PTPRT: variants seen among roughly 807,000 people sequenced by gnomAD.
PTPRT encodes receptor-type tyrosine-protein phosphatase T.
In PTPRT, 56 loss-of-function variants were observed where a neutral mutation model predicts 176.8. The ratio of observed to expected loss-of-function variants is 0.32; its 90% confidence interval spans 0.26 to 0.40. The LOEUF (loss-of-function observed/expected upper bound fraction) is 0.40. PTPRT is among the 10% of genes least tolerant of loss of function. The probability of loss-of-function intolerance (pLI) is 1.00; values close to 1 mark genes in which losing one functional copy is unlikely to be tolerated. For synonymous variants in PTPRT, 783 were observed against 739.0 expected (o/e 1.06, Z -0.96); for missense variants, 1,540 against 1,908.2 (o/e 0.81, Z 3.60).
At chr20:42,637,489 G>A (rs2074631168) in intron 7 of PTPRT, among the ~76,000 whole-genome samples, 1 of 152,118 alleles carries the variant, frequency 6.6e-6, no homozygotes, top group Admixed American at 6.6e-5. Flanking sequence ...AACCCAGAAT[G>A]GGGTTCCTGC....
In PTPRT at chr20:42,141,972, C is replaced by T. The variant is rs724159847; in HGVS notation, c.2713G>A (p.Asp905Asn). The T allele has an allele frequency of 6.2e-7, 1 of 1,614,120 alleles. No homozygotes were observed. Among genetic ancestry groups the T allele is most frequent in the Non-Finnish European group, 8.5e-7 (1 of 1,179,990 alleles). The change falls in exon 18 of 31, where the codon GAC (aspartate) becomes AAC (asparagine). Residue 905 changes from aspartate (D) to asparagine (N), a missense_variant. Transcript: ENST00000373187. ...ALPEGQTASW[D>N]TAKEDENRNK... Reference sequence around the variant, plus strand: ...CGGTTTTCATCCTCCTTGGCTGTGTCCCACGAAGCTGTCTGCCCCTCTGGT... The same window carrying T: ...CGGTTTTCATCCTCCTTGGCTGTGTTCCACGAAGCTGTCTGCCCCTCTGGT...
intron 2 of PTPRT, among the ~76,000 whole-genome samples, chr20:42,815,806 A>T (rs2077773768): frequency 6.6e-6 from 1 of 152,190 alleles, no homozygotes; most frequent in Admixed American, 6.5e-5. Flanking sequence ...CCATAACTTC[A>T]AATTTTTAAG....
chr20:43,129,613 C>CTTTTTTTTTT (rs869293740), intron 1 of PTPRT, among the ~76,000 whole-genome samples: 1 of 87,294 alleles, frequency 1.1e-5, no homozygotes, highest in East Asian at 4.3e-4. Flanking sequence ...CCAAAGAGTT[C>CTTTTTTTTTT]TTTTTTTTTT....
chr20:42,630,424 C>G (rs2074381550), intron 7 of PTPRT, among the ~76,000 whole-genome samples: 1 of 152,170 alleles, frequency 6.6e-6, no homozygotes, highest in East Asian at 1.9e-4. Flanking sequence ...AATACAACAG[C>G]CCTGACTTGG....
rs547492737 is a variant in PTPRT, at chr20:42,591,223, T to A, written c.1153+86643A>T. 2.0e-5 allele frequency among the ~76,000 whole-genome samples: 3 copies of A among 152,086 alleles called. No individual in the cohort carries two copies. The East Asian group carries it at 5.8e-4, about 29-fold the overall frequency. On this transcript the variant is annotated intron_variant, in intron 7 of 30. Transcript: ENST00000373187. ...TAAGGGAAAGATTGATAAATTTGAC[T>A]ACATGATAAAAAAAAATTGTGTAAT...
At chr20:42,654,605 C>G (rs1341258093) in intron 7 of PTPRT, among the ~76,000 whole-genome samples, 1 of 152,194 alleles carries the variant, frequency 6.6e-6, no homozygotes, top group African/African-American at 2.4e-5. Flanking sequence ...CAGACAATAC[C>G]AGCTTTGCTG....
intron 2 of PTPRT, among the ~76,000 whole-genome samples, chr20:42,809,681 C>G (rs2077667023): frequency 1.3e-5 from 2 of 152,142 alleles, no homozygotes; most frequent in South Asian, 4.1e-4. Flanking sequence ...CTGGTGCTCC[C>G]TGAGGTCGTC....
intron 7 of PTPRT, among the ~76,000 whole-genome samples, chr20:42,653,603 C>T (rs1429657045): frequency 6.6e-6 from 1 of 152,180 alleles, no homozygotes; most frequent in Admixed American, 6.5e-5. Flanking sequence ...GTGGAATTCT[C>T]CCTGACAGCG....
At chr20:42,773,365 C>T (rs2077090065) in intron 4 of PTPRT, among the ~76,000 whole-genome samples, 1 of 152,106 alleles carries the variant, frequency 6.6e-6, no homozygotes, top group Non-Finnish European at 1.5e-5. Flanking sequence ...TCATTGATCG[C>T]TTATGATGAG....
downstream of PTPRT, among the ~76,000 whole-genome samples, chr20:42,067,864 G>A (rs1438788681): frequency 6.6e-6 from 1 of 152,164 alleles, no homozygotes; most frequent in Non-Finnish European, 1.5e-5. Context: ...CCCAGCTAGT[G>A]TTCCCCTGAA....
At chr20:42,644,740 C>T (rs957755558) in intron 7 of PTPRT, among the ~76,000 whole-genome samples, 2 of 152,106 alleles carry the variant, frequency 1.3e-5, no homozygotes, top group Non-Finnish European at 2.9e-5. Flanking sequence ...GAGTAAGGAG[C>T]TCCAGATTCA....
chr20:42,136,516 A>G (rs1988387416), intron 18 of PTPRT, among the ~76,000 whole-genome samples: 1 of 152,098 alleles, frequency 6.6e-6, no homozygotes, highest in Non-Finnish European at 1.5e-5. Context: ...TTGTCCTGCC[A>G]GATCCATGCT....
At chr20:42,241,723 G>A (rs955979877) in intron 14 of PTPRT, among the ~76,000 whole-genome samples, 14 of 152,058 alleles carry the variant, frequency 9.2e-5, no homozygotes, top group Non-Finnish European at 1.9e-4. Context: ...GTCCACGTGA[G>A]TGCAAGCAGA....
chr20:42,600,973 C>T (rs1294792223), intron 7 of PTPRT, among the ~76,000 whole-genome samples: 2 of 152,098 alleles, frequency 1.3e-5, no homozygotes, highest in African/African-American at 4.8e-5. Flanking sequence ...GTTTGGATCC[C>T]TCTGTCCTGA....
intron 9 of PTPRT, among the ~76,000 whole-genome samples, chr20:42,411,135 T>C (rs1240728905): frequency 6.6e-6 from 1 of 151,894 alleles, no homozygotes; most frequent in African/African-American, 2.4e-5. Flanking sequence ...AATGGTAAAA[T>C]CAAAAGCTGA....
rs369743919 is a variant in PTPRT, at chr20:42,651,583, T to G, written c.1153+26283A>C. On this transcript the variant is annotated intron_variant, in intron 7 of 30. Transcript: ENST00000373187. ...CAAGCCCAGTGAGGTTTCTGTGCCT[T>G]GAGCAGTTGCCTTTTCTAGAACATT... Among the ~76,000 whole-genome samples the G allele has an allele frequency of 3.3e-5, 5 of 152,224 alleles. No homozygotes were observed. The South Asian group carries it at 1.0e-3, about 32-fold the overall frequency.
intron 18 of PTPRT, among the ~76,000 whole-genome samples, chr20:42,138,876 G>A (rs1403239255): frequency 1.3e-5 from 2 of 152,118 alleles, no homozygotes; most frequent in African/African-American, 4.8e-5. Context: ...CCTCCTACTT[G>A]TCCCCTTTAA....
At chr20:42,386,283 G>A (rs557772434) in intron 9 of PTPRT, among the ~76,000 whole-genome samples, 1 of 152,168 alleles carries the variant, frequency 6.6e-6, no homozygotes. Flanking sequence ...ATTATACAGA[G>A]AGTGACAGGG....
chr20:42,283,923 A>G (rs1217622844), intron 12 of PTPRT, among the ~76,000 whole-genome samples: 1 of 152,074 alleles, frequency 6.6e-6, no homozygotes, highest in Non-Finnish European at 1.5e-5. Context: ...ACTCCCCATA[A>G]TTAATCTCAT....
Sources: allele counts gnomAD v4.1 joint callset (sites outside exome capture counted in the v4.1 genomes callset), GRCh38; gene constraint gnomAD v4.1.1; transcripts MANE v1.5; gene names NCBI Gene and HGNC (gene_info 2026-07-23, HGNC 2026-07-21).